The following LRRIQ1 variants were observed in gnomAD, a reference collection of about 807,000 sequenced individuals.
The protein encoded by LRRIQ1 is leucine-rich repeat- and IQ domain-containing protein 1.
In LRRIQ1, 210 loss-of-function variants were observed where a neutral mutation model predicts 211.9. That is an observed-to-expected ratio of 0.99 (90% CI 0.89 to 1.11). The LOEUF is 1.11. Among genes scored for constraint, LRRIQ1 ranks in the 50% most tolerant of loss-of-function variants. LRRIQ1 has a pLI of 0.00. For synonymous variants in LRRIQ1, 699 were observed against 650.1 expected, an observed-to-expected ratio of 1.08 and a Z score of -1.14; for missense variants, 2,136 against 1,939.5, an observed-to-expected ratio of 1.10 and a Z score of -1.90.
At chr12:85,196,083 C>G (rs12320724) in intron 24 of LRRIQ1, among the ~76,000 whole-genome samples, 8,702 of 151,994 alleles carry the variant, frequency 0.057, 830 homozygotes, top group African/African-American at 0.2. Context: ...ACAATTGCTT[C>G]AAGGAGAATA....
At chr12:85,255,381 A>G (rs1435850620) in intron 1 of LRRIQ1, among the ~76,000 whole-genome samples, 1 of 151,874 alleles carries the variant, frequency 6.6e-6, no homozygotes, top group Non-Finnish European at 1.5e-5. Context: ...AGAAGTCAAC[A>G]TTGACTTTCA....
downstream of LRRIQ1, among the ~76,000 whole-genome samples, chr12:85,249,828 G>A (rs1895852343): frequency 6.6e-6 from 1 of 151,906 alleles, no homozygotes; most frequent in South Asian, 2.1e-4. Flanking sequence ...AAGTAATATT[G>A]TCATAGATTA....
chr12:85,216,583 G>A (rs1041823588), intron 24 of LRRIQ1, among the ~76,000 whole-genome samples: 4 of 151,172 alleles, frequency 2.6e-5, no homozygotes, highest in Non-Finnish European at 1.5e-5. Flanking sequence ...AAAATTTTGT[G>A]TATGTGTTAT....
chr12:85,072,969 A>G lies in LRRIQ1; in HGVS notation c.2758A>G (p.Thr920Ala). The change falls in exon 11 of 27, where the codon ACC becomes GCC. Residue 920 changes from threonine (T) to alanine (A), a missense_variant. Transcript: ENST00000393217. ...DNAGFCHHLG[T>A]STSYLSLAQV... The stretch of plus-strand genomic sequence containing the variant: ...TGCAGGGTTCTGCCATCACTTGGGC[A>G]CCTCCACTTCTTACTTATCCCTGGC... 6.2e-7 allele frequency: 1 copy of G among 1,612,766 alleles called. No individual in the cohort carries two copies. The highest frequency in any genetic ancestry group is 8.5e-7 in the Non-Finnish European group (1 of 1,179,292).
intron 24 of LRRIQ1, among the ~76,000 whole-genome samples, chr12:85,207,316 G>T (rs946931251): frequency 2.0e-5 from 3 of 151,958 alleles, no homozygotes; most frequent in African/African-American, 4.8e-5. Context: ...CTACTATCCT[G>T]GTCTCTTGGT....
intron 19 of LRRIQ1, among the ~76,000 whole-genome samples, chr12:85,140,419 A>G (rs1357244028): frequency 6.6e-6 from 1 of 151,252 alleles, no homozygotes; most frequent in African/African-American, 2.4e-5. Flanking sequence ...ATATAGAAAT[A>G]CAATTTATTT....
In LRRIQ1 at chr12:85,073,120, T is replaced by C. The variant is rs1883272870; in HGVS notation, c.2887+22T>C. On this transcript the variant is annotated intron_variant, in intron 11 of 26. Coordinates refer to ENST00000393217, the MANE Select transcript of LRRIQ1 (RefSeq NM_001079910.2). ...AATTGTAAGTTGTGTTTATTTTTTA[T>C]TTTGTTACTCTTTATGGATTTCTAG... The C allele has an allele frequency of 5.2e-6, 8 of 1,545,676 alleles. No individual in the cohort carries two copies. In the African/African-American group the frequency reaches 5.5e-5, roughly 11 times the overall value.
chr12:85,125,934 C>T (rs1456929102), intron 17 of LRRIQ1, among the ~76,000 whole-genome samples: 2 of 151,786 alleles, frequency 1.3e-5, no homozygotes, highest in African/African-American at 4.8e-5. Context: ...AAATGTATAC[C>T]CGTTGCTGAA....
At chr12:85,111,131 A>C (rs1052010445) in intron 15 of LRRIQ1, among the ~76,000 whole-genome samples, 16 of 152,082 alleles carry the variant, frequency 1.1e-4, no homozygotes, top group Non-Finnish European at 2.4e-4. Context: ...CAGCCTGTAT[A>C]ATGTAGGCAG....
intron 24 of LRRIQ1, among the ~76,000 whole-genome samples, chr12:85,191,357 T>A (rs1892501259): frequency 6.6e-6 from 1 of 152,010 alleles, no homozygotes; most frequent in African/African-American, 2.4e-5. Context: ...CAACCAGTGA[T>A]CTTTTTACTG....
At chr12:85,205,963 C>A (rs1052848801) in intron 24 of LRRIQ1, among the ~76,000 whole-genome samples, 8 of 152,158 alleles carry the variant, frequency 5.3e-5, no homozygotes, top group Non-Finnish European at 1.0e-4. Flanking sequence ...CAATTTGGTT[C>A]TCTGGCCCCT....
At position 85,052,245 on chromosome 12, in the gene LRRIQ1, G is replaced by A. The variant is rs1415501847; in HGVS notation, c.747G>A (p.Gln249=). Residue 249 remains glutamine (Q), a synonymous_variant, in exon 7 of 27, where the codon CAG becomes CAA. Transcript: ENST00000393217. ...EEKIWKEKFK[Q]HEEYIRNLHL... ...AAATTTGGAAAGAGAAATTTAAACA[G>A]CATGAGGTATCTATTTGTTGTTTTT... 11 of 1,479,098 alleles carry A rather than the reference G, an allele frequency of 7.4e-6. No individual in the cohort carries two copies. Among genetic ancestry groups the A allele is most frequent in the Admixed American group, 1.8e-5 (1 of 54,418 alleles). The allele number at this position is 1,479,098 out of a possible 1,614,324, so 91.6% of individuals were successfully genotyped here.
chr12:85,112,352 TA>T (rs1298518877), intron 15 of LRRIQ1, among the ~76,000 whole-genome samples: 1 of 151,598 alleles, frequency 6.6e-6, no homozygotes, highest in Non-Finnish European at 1.5e-5. Context: ...TATTTTCTAT[TA>T]ATATTAAAGT....
In LRRIQ1 at chr12:85,046,012, C is replaced by T. The variant is rs748850421; in HGVS notation, c.337-8C>T. On this transcript the variant is annotated splice_region_variant and splice_polypyrimidine_tract_variant and intron_variant, in intron 4 of 26. Coordinates refer to ENST00000393217, the MANE Select transcript of LRRIQ1 (RefSeq NM_001079910.2). ...TCTTTAATCATTGGTACTCATTTAA[C>T]CTCTTAGATATTATCTGAAATAGAA... 1.3e-6 allele frequency: 2 copies of T among 1,496,856 alleles called. No homozygotes were observed. The highest frequency in any genetic ancestry group is 1.9e-6 in the Non-Finnish European group (2 of 1,077,552). 92.7% of individuals were successfully genotyped at this position (1,496,856 alleles called of 1,614,324 possible).
At position 85,183,258 on chromosome 12, in the gene LRRIQ1, C is replaced by T. The variant is rs956515556; in HGVS notation, c.4822+22544C>T. Reference sequence around the variant, plus strand: ...ATTTGTAGGCTTCTGAACTTTGGAACGTGAGTTATTTAAGCAGTACTTTGG... The same window carrying T: ...ATTTGTAGGCTTCTGAACTTTGGAATGTGAGTTATTTAAGCAGTACTTTGG... On this transcript the variant is annotated intron_variant, in intron 24 of 26. Coordinates refer to ENST00000393217, the MANE Select transcript of LRRIQ1 (RefSeq NM_001079910.2). 4.6e-5 allele frequency among the ~76,000 whole-genome samples: 7 copies of T among 152,078 alleles called. No homozygotes were observed. The South Asian group carries it at 1.0e-3, about 22-fold the overall frequency.
intron 15 of LRRIQ1, among the ~76,000 whole-genome samples, chr12:85,112,764 CAT>C (rs959573849): frequency 1.3e-5 from 2 of 152,028 alleles, no homozygotes; most frequent in African/African-American, 4.8e-5. Flanking sequence ...TAGTTGGACT[CAT>C]GTAATGAGAA....
chr12:85,187,846 C>G (rs1892303485), intron 24 of LRRIQ1, among the ~76,000 whole-genome samples: 1 of 150,982 alleles, frequency 6.6e-6, no homozygotes, highest in Non-Finnish European at 1.5e-5. Context: ...TAGGTCTGAT[C>G]TTTTTGCTGC....
At chr12:85,254,648 C>G (rs937863284) in intron 1 of LRRIQ1, among the ~76,000 whole-genome samples, 3 of 152,042 alleles carry the variant, frequency 2.0e-5, no homozygotes, top group African/African-American at 7.2e-5. Flanking sequence ...TGTACATGGC[C>G]TTTACAAAAT....
chr12:85,046,831 G>A (rs1242649236), intron 5 of LRRIQ1, among the ~76,000 whole-genome samples: 2 of 152,154 alleles, frequency 1.3e-5, no homozygotes, highest in African/African-American at 2.4e-5. Flanking sequence ...CATAAAAAAG[G>A]ATGAGTTCAT....
Sources: gnomAD v4.1 joint callset for allele counts (sites outside exome capture counted in the v4.1 genomes callset) on GRCh38, gnomAD v4.1.1 for gene constraint, MANE v1.5 for transcripts, NCBI Gene and HGNC (gene_info 2026-07-23, HGNC 2026-07-21) for gene names.